The following CYP4F11 variants were observed in gnomAD, a reference collection of about 807,000 sequenced individuals.
The protein encoded by CYP4F11 is cytochrome P450 family 4 subfamily F member 11.
A neutral mutation model predicts 62.2 loss-of-function variants in CYP4F11; 79 were observed. That is an observed-to-expected ratio of 1.27 (90% CI 1.06 to 1.53). The LOEUF (loss-of-function observed/expected upper bound fraction) is 1.53. CYP4F11 is among the 40% of genes most tolerant of loss of function. CYP4F11 has a pLI of 0.00. For missense variants in CYP4F11, 777 were observed against 680.5 expected, an observed-to-expected ratio of 1.14 and a Z score of -1.58; for synonymous variants, 290 against 263.7, an observed-to-expected ratio of 1.10 and a Z score of -0.97.
At position 15,931,525 on chromosome 19, in the gene CYP4F11, C is replaced by CAGAGGAATGAGTGAGTGAGG. The variant is rs1568257174; in HGVS notation, c.199-1925_199-1924insCCTCACTCACTCATTCCTCT. Among the ~76,000 whole-genome samples, 43 of 138,114 alleles carry CAGAGGAATGAGTGAGTGAGG rather than the reference C, an allele frequency of 3.1e-4. 5 individuals carry two copies. The highest frequency in any genetic ancestry group is 1.1e-3 in the East Asian group (5 of 4,630). The allele number at this position is 138,114 out of a possible 152,430, so 90.6% of individuals were successfully genotyped here. The stretch of plus-strand genomic sequence containing the variant: ...GTGAGAAAGACTTGGGATGGCACAT[C>CAGAGGAATGAGTGAGTGAGG]AGAGGAATGAGTGAGCGGGGAGAGG... On this transcript the variant is annotated intron_variant, in intron 1 of 11. Transcript: ENST00000402119.
At chr19:15,934,733 A>G, upstream of CYP4F11, 1 of 272,702 alleles carries the variant, frequency 3.7e-6, no homozygotes, top group Non-Finnish European at 6.9e-6. Flanking sequence ...GCCTTGACCC[A>G]CCCCAACCTT....
chr19:15,914,154 A>T, intron 11 of CYP4F11, 151 bp downstream of exon 11: 1 of 1,125,960 alleles, frequency 8.9e-7, no homozygotes, highest in Non-Finnish European at 1.3e-6. Flanking sequence ...CCCCTCTAGG[A>T]CCTTCCCAAA....
intron 5 of CYP4F11, 86 bp downstream of exon 5, chr19:15,924,675 T>A: frequency 6.5e-7 from 1 of 1,538,852 alleles, no homozygotes; most frequent in Non-Finnish European, 8.8e-7. Flanking sequence ...AGAAAGGCAC[T>A]TCTGGTTACC....
chr19:15,918,506 T>C (rs2089599071), intron 8 of CYP4F11, among the ~76,000 whole-genome samples: 1 of 152,104 alleles, frequency 6.6e-6, no homozygotes, highest in Admixed American at 6.5e-5. Flanking sequence ...GCCATCAAAC[T>C]CAGCTAATAG....
In CYP4F11 at chr19:15,927,334, C is replaced by T. The variant is rs2089677951; in HGVS notation, c.403G>A (p.Gly135Arg). ...YGFLKPWLGDGLLLSGGDKWS... is the reference protein window; with the variant it reads ...YGFLKPWLGDRLLLSGGDKWS... Reference sequence around the variant, plus strand: ...TTGTCACCACCACTCAGCAGGAGCCCATCCCCTGGCAGGGCAACCAAGGAC... The same window carrying T: ...TTGTCACCACCACTCAGCAGGAGCCTATCCCCTGGCAGGGCAACCAAGGAC... The change falls in exon 4 of 12, where the codon GGG becomes AGG. Residue 135 changes from glycine (G) to arginine (R), a missense_variant. By Grantham distance (125) the Gly-to-Arg change is moderately radical. Transcript: ENST00000402119. 1 of 1,614,082 alleles carries T rather than the reference C, an allele frequency of 6.2e-7. No individual in the cohort carries two copies. The highest frequency in any genetic ancestry group is 8.5e-7 in the Non-Finnish European group (1 of 1,179,954).
intron 1 of CYP4F11, 113 bp downstream of exon 1, chr19:15,934,098 C>T (rs1251667807): frequency 9.0e-7 from 1 of 1,108,452 alleles, no homozygotes; most frequent in Non-Finnish European, 1.3e-6. Context: ...CCTCTCTTCT[C>T]TGTGTTCCCA....
In CYP4F11 at chr19:15,922,408, G is replaced by A. The variant is rs777311850; in HGVS notation, c.941C>T (p.Ser314Phe). 6 of 1,614,144 alleles carry A rather than the reference G, an allele frequency of 3.7e-6. No homozygotes were observed. Among genetic ancestry groups the A allele is most frequent in the Non-Finnish European group, 4.2e-6 (5 of 1,180,028 alleles). ...LSKDEDGKEL[S>F]DEDIRAEADT... ...AGCTTCTGCTCTTATGTCCTCATCAGACAATTCCTTCCCATCTTCATCCTG... is the reference window on the plus strand; with the variant it reads ...AGCTTCTGCTCTTATGTCCTCATCAAACAATTCCTTCCCATCTTCATCCTG... Residue 314 changes from serine to phenylalanine, a missense_variant, in exon 7 of 12, where the codon TCT becomes TTT. Coordinates refer to ENST00000402119, the MANE Select transcript of CYP4F11 (RefSeq NM_021187.4).
chr19:15,912,805 T>TATATATATATATATATATATATATAC lies in CYP4F11; in HGVS notation c.*926_*927insGTATATATATATATATATATATATAT, dbSNP rs1183276800. On this transcript the variant is annotated 3_prime_UTR_variant, in exon 12 of 12. Coordinates refer to ENST00000402119, the MANE Select transcript of CYP4F11 (RefSeq NM_021187.4). ...TATATATATAATATATATATATATA[T>TATATATATATATATATATATATATAC]ACATATCTTATATGCACAGCCCTCT... 1.6e-4 allele frequency: 16 copies of TATATATATATATATATATATATATAC among 101,224 alleles called. 2 individuals are homozygous for TATATATATATATATATATATATATAC. Among genetic ancestry groups the TATATATATATATATATATATATATAC allele is most frequent in the African/African-American group, 6.0e-4 (14 of 23,402 alleles). 6.3% of individuals were successfully genotyped at this position (101,224 alleles called of 1,614,324 possible). A position where few individuals can be genotyped will look rare whatever the true frequency, so the allele number is the denominator to read the frequency against.
intron 1 of CYP4F11, 140 bp downstream of exon 1, chr19:15,934,065 CAGAGGA>C (rs2089755173): frequency 1.2e-5 from 3 of 257,522 alleles, no homozygotes; most frequent in Non-Finnish European, 1.4e-5. Context: ...AGTGAGTGGG[CAGAGGA>C]ATGAGTGAGC....
At chr19:15,931,543 G>GGCAGAGGAATGAGTGAGCGA in intron 1 of CYP4F11, among the ~76,000 whole-genome samples, 1 of 68,762 alleles carries the variant, frequency 1.5e-5, no homozygotes, top group Non-Finnish European at 3.1e-5. Context: ...TGAGTGAGCG[G>GGCAGAGGAATGAGTGAGCGA]GGAGAGGAAT....
At chr19:15,920,991 T>C (rs1458086656) in intron 8 of CYP4F11, among the ~76,000 whole-genome samples, 2 of 151,648 alleles carry the variant, frequency 1.3e-5, no homozygotes, top group African/African-American at 4.9e-5. Context: ...TCTCTTTCCC[T>C]CTTTTCTTTC....
intron 1 of CYP4F11, among the ~76,000 whole-genome samples, chr19:15,931,656 GTGAGCGA>G (rs2089724962): frequency 1.6e-5 from 1 of 62,126 alleles, no homozygotes. Context: ...AGAGGAATGA[GTGAGCGA>G]GGAGAGGAAT....
chr19:15,925,701 T>C (rs28648416), intron 4 of CYP4F11, among the ~76,000 whole-genome samples: 5 of 136,732 alleles, frequency 3.7e-5, no homozygotes, highest in South Asian at 4.8e-4. Flanking sequence ...TATATATATA[T>C]ACACACACAT....
rs781081178 is a variant in CYP4F11 at position 15,934,418 on chromosome 19, C to G, written c.-10G>C. 1 of 1,611,920 alleles carries G rather than the reference C, an allele frequency of 6.2e-7. No homozygotes were observed. The highest frequency in any genetic ancestry group is 8.5e-7 in the Non-Finnish European group (1 of 1,179,272). On this transcript the variant is annotated 5_prime_UTR_variant, in exon 1 of 12. Coordinates refer to ENST00000402119, the MANE Select transcript of CYP4F11 (RefSeq NM_021187.4). Reference sequence around the variant, plus strand: ...GGCTCAGCTGCGGCATCCTGCAGGGCAGACGGGATGGAGGGTGGGATCCTG... The same window carrying G: ...GGCTCAGCTGCGGCATCCTGCAGGGGAGACGGGATGGAGGGTGGGATCCTG...
Position 15,914,394 on chromosome 19 carries a change from G to A in CYP4F11, c.1315-7C>T, listed in dbSNP as rs779607251. ...AACGGAAGGGGTCGTAGACCTGCAG[G>A]TGAGACCAAGAAGGCTTGCTGGGTG... On this transcript the variant is annotated splice_polypyrimidine_tract_variant and splice_region_variant and intron_variant, in intron 10 of 11. Coordinates refer to ENST00000402119, the MANE Select transcript of CYP4F11 (RefSeq NM_021187.4). 13 of 1,612,976 alleles carry A rather than the reference G, an allele frequency of 8.1e-6. No individual in the cohort carries two copies. Among genetic ancestry groups the A allele is most frequent in the East Asian group, 2.2e-5 (1 of 44,872 alleles).
chr19:15,914,750 G>C lies in CYP4F11; in HGVS notation c.1249+12C>G, dbSNP rs545306458. On this transcript the variant is annotated intron_variant, in intron 9 of 11. Transcript: ENST00000402119. ...CTACCCAGGAGGCTCCTCCCCCTGA[G>C]GCTGTGAGCACCTTTGGGGATGACG... 9 of 1,614,068 alleles carry C rather than the reference G, an allele frequency of 5.6e-6. No individual in the cohort carries two copies. The South Asian group carries it at 9.9e-5, about 18-fold the overall frequency.
In CYP4F11 at chr19:15,922,406, C is replaced by T. The variant is rs200033002; in HGVS notation, c.943G>A (p.Asp315Asn). The change falls in exon 7 of 12, where the codon GAT becomes AAT. Residue 315 changes from aspartate to asparagine, a missense_variant. Transcript: ENST00000402119. ...SKDEDGKELS[D>N]EDIRAEADTF... ...TCAGCTTCTGCTCTTATGTCCTCATCAGACAATTCCTTCCCATCTTCATCC... is the reference window on the plus strand; with the variant it reads ...TCAGCTTCTGCTCTTATGTCCTCATTAGACAATTCCTTCCCATCTTCATCC... The T allele has an allele frequency of 5.6e-6, 9 of 1,614,200 alleles. No homozygotes were observed. In the East Asian group the frequency reaches 2.0e-4, roughly 36 times the overall value.
At chr19:15,921,077 TCTCTC>T (rs780831685) in intron 8 of CYP4F11, among the ~76,000 whole-genome samples, 2,256 of 18,572 alleles carry the variant, frequency 0.12, 40 homozygotes, top group Middle Eastern at 0.25. Flanking sequence ...TCTCTCTCTC[TCTCTC>T]TCTCTCTCTC....
intron 8 of CYP4F11, among the ~76,000 whole-genome samples, chr19:15,920,535 G>A (rs897670121): frequency 2.6e-5 from 4 of 152,144 alleles, no homozygotes; most frequent in African/African-American, 9.7e-5. Context: ...GCATAAAAAT[G>A]TTTCTCCACC....
Sources: gnomAD v4.1 joint callset for allele counts (sites outside exome capture counted in the v4.1 genomes callset) on GRCh38, gnomAD v4.1.1 for gene constraint, MANE v1.5 for transcripts, NCBI Gene and HGNC (gene_info 2026-07-23, HGNC 2026-07-21) for gene names.